Variants in SNTB1 observed in about 807,000 individuals in gnomAD.
SNTB1 encodes the protein syntrophin beta 1, also known as beta-1-syntrophin.
Under a neutral mutation model 48.9 loss-of-function variants are expected in SNTB1, and 36 were observed. The ratio of observed to expected loss-of-function variants is 0.74; its 90% confidence interval spans 0.56 to 0.97. The LOEUF (loss-of-function observed/expected upper bound fraction) is 0.97, where lower values mean the gene tolerates loss of function less well. Among genes scored for constraint, SNTB1 ranks in the 50% least tolerant of loss-of-function variants. The pLI, the probability that SNTB1 is intolerant of heterozygous loss-of-function variation, is 0.00. For missense variants in SNTB1, 786 were observed against 703.4 expected (o/e 1.12, Z -1.33); for synonymous variants, 299 against 294.6 (o/e 1.01, Z -0.15).
intron 1 of SNTB1, among the ~76,000 whole-genome samples, chr8:120,727,884 C>A (rs1289790951): frequency 6.6e-6 from 1 of 152,220 alleles, no homozygotes; most frequent in African/African-American, 2.4e-5. Flanking sequence ...AGAATTCACA[C>A]AAGATTAGAA....
chr8:120,747,315 G>A (rs1819141142), intron 1 of SNTB1, among the ~76,000 whole-genome samples: 1 of 152,166 alleles, frequency 6.6e-6, no homozygotes, highest in Admixed American at 6.5e-5. Context: ...TTTTAAGACA[G>A]GGTCTTGGTC....
intron 2 of SNTB1, among the ~76,000 whole-genome samples, chr8:120,680,969 C>G (rs1817921095): frequency 6.6e-6 from 1 of 151,970 alleles, no homozygotes; most frequent in Non-Finnish European, 1.5e-5. Flanking sequence ...CTTGGTGAAC[C>G]CTCTCCTCAA....
Position 120,538,782 on chromosome 8 carries a change from C to T in SNTB1, c.*95G>A, listed in dbSNP as rs2130639120. On this transcript the variant is annotated 3_prime_UTR_variant, in exon 7 of 7. Transcript: ENST00000517992. ...AGCTAAAGCTGACTGTAGCACGCTA[C>T]ATCTGGTGCGCTGCTCACTACAGAT... is the stretch of plus-strand genomic sequence containing the variant. The T allele has an allele frequency of 3.9e-6, 4 of 1,013,040 alleles. No homozygotes were observed. In the Middle Eastern group the frequency reaches 6.2e-4, roughly 157 times the overall value. 62.8% of individuals were successfully genotyped at this position (1,013,040 alleles called of 1,614,324 possible). A position where few individuals can be genotyped will look rare whatever the true frequency, so the allele number is the denominator to read the frequency against.
intron 2 of SNTB1, chr8:120,637,701 C>A: frequency 2.3e-6 from 1 of 429,382 alleles, no homozygotes; most frequent in Non-Finnish European, 4.5e-6. Flanking sequence ...TTCATGGCTG[C>A]ACTTATGCCT....
At chr8:120,662,649 C>T (rs1045132208) in intron 2 of SNTB1, among the ~76,000 whole-genome samples, 4 of 152,102 alleles carry the variant, frequency 2.6e-5, no homozygotes, top group Admixed American at 1.3e-4. Context: ...CTGCCTCTGC[C>T]TCACAGCATT....
chr8:120,643,124 C>CA lies in SNTB1; in HGVS notation c.789-10474dup, dbSNP rs1397732417. ...TCTTATGGCCATTGGCAGGAAGCCT[C>CA]AGTTTCTTGCCATATGAGCCTTTCC... On this transcript the variant is annotated intron_variant, in intron 2 of 6. Coordinates refer to ENST00000517992, the MANE Select transcript of SNTB1 (RefSeq NM_021021.4). 3.3e-5 allele frequency among the ~76,000 whole-genome samples: 5 copies of CA among 152,270 alleles called. No individual in the cohort carries two copies. The East Asian group carries it at 9.7e-4, about 29-fold the overall frequency.
chr8:120,694,291 C>A (rs1315365018), intron 1 of SNTB1, among the ~76,000 whole-genome samples: 1 of 152,078 alleles, frequency 6.6e-6, no homozygotes, highest in Non-Finnish European at 1.5e-5. Flanking sequence ...AGGAATATGG[C>A]AGCCACATTC....
At chr8:120,560,509 A>G (rs1237401194) in intron 4 of SNTB1, among the ~76,000 whole-genome samples, 1 of 151,884 alleles carries the variant, frequency 6.6e-6, no homozygotes, top group African/African-American at 2.4e-5. Flanking sequence ...TAATAAATAA[A>G]TAAATAAACT....
At chr8:120,786,106 C>T (rs894534708) in intron 1 of SNTB1, among the ~76,000 whole-genome samples, 1 of 152,230 alleles carries the variant, frequency 6.6e-6, no homozygotes, top group Non-Finnish European at 1.5e-5. Context: ...GACTAGAGGA[C>T]AGGTTATACC....
At chr8:120,722,484 C>T (rs548154791) in intron 1 of SNTB1, among the ~76,000 whole-genome samples, 1 of 152,318 alleles carries the variant, frequency 6.6e-6, no homozygotes, top group East Asian at 1.9e-4. Context: ...ATTTGCATTT[C>T]TCTGATGACC....
At chr8:120,541,737 G>A (rs1181189862) in intron 6 of SNTB1, 73 bp downstream of exon 6, 20 of 1,134,546 alleles carry the variant, frequency 1.8e-5, no homozygotes, top group Non-Finnish European at 2.1e-5. Flanking sequence ...CCGAATAAGA[G>A]TAAGGCAGCA....
chr8:120,552,970 C>G (rs548156391), intron 4 of SNTB1, among the ~76,000 whole-genome samples: 2 of 151,942 alleles, frequency 1.3e-5, no homozygotes, highest in African/African-American at 4.8e-5. Context: ...AGAACTCTTG[C>G]GAGAATCTAA....
At chr8:120,554,293 G>A (rs1416400439) in intron 4 of SNTB1, among the ~76,000 whole-genome samples, 1 of 152,172 alleles carries the variant, frequency 6.6e-6, no homozygotes, top group Non-Finnish European at 1.5e-5. Flanking sequence ...CCCGCTTTGT[G>A]CCCTGAGCTG....
At chr8:120,697,874 A>G (rs376168914) in intron 1 of SNTB1, among the ~76,000 whole-genome samples, 16 of 152,232 alleles carry the variant, frequency 1.1e-4, no homozygotes, top group African/African-American at 3.4e-4. Flanking sequence ...TATTACCAGA[A>G]TTGAAACTTC....
At chr8:120,714,331 C>T (rs989734874) in intron 1 of SNTB1, among the ~76,000 whole-genome samples, 1 of 152,144 alleles carries the variant, frequency 6.6e-6, no homozygotes. Context: ...GGTGACAATT[C>T]CAGCCAGCTG....
At chr8:120,658,527 A>AT (rs1002829103) in intron 2 of SNTB1, among the ~76,000 whole-genome samples, 2 of 152,194 alleles carry the variant, frequency 1.3e-5, no homozygotes, top group Non-Finnish European at 2.9e-5. Context: ...AGTCTCAGGA[A>AT]TTTTTTTGGT....
At chr8:120,661,860 T>C (rs1263328749) in intron 2 of SNTB1, among the ~76,000 whole-genome samples, 1 of 152,242 alleles carries the variant, frequency 6.6e-6, no homozygotes, top group Non-Finnish European at 1.5e-5. Flanking sequence ...TCCAGATTTC[T>C]TAACAACTAA....
intron 2 of SNTB1, among the ~76,000 whole-genome samples, chr8:120,645,215 A>G (rs973446598): frequency 1.8e-4 from 28 of 152,064 alleles, no homozygotes; most frequent in African/African-American, 3.4e-4. Context: ...TGCTTTTGGT[A>G]TTTTAGACAT....
intron 2 of SNTB1, among the ~76,000 whole-genome samples, chr8:120,635,151 G>C (rs375594276): frequency 1.1e-4 from 16 of 152,158 alleles, no homozygotes; most frequent in African/African-American, 3.1e-4. Flanking sequence ...AATTCTTTAG[G>C]TGACAACTGT....
Sources: allele counts gnomAD v4.1 joint callset (sites outside exome capture counted in the v4.1 genomes callset), GRCh38; gene constraint gnomAD v4.1.1; transcripts MANE v1.5; gene names NCBI Gene and HGNC (gene_info 2026-07-23, HGNC 2026-07-21).